The following CNTNAP5 variants were observed in gnomAD, a reference collection of about 807,000 sequenced individuals.
CNTNAP5 encodes contactin associated protein family member 5.
In CNTNAP5, 72 loss-of-function variants were observed where a neutral mutation model predicts 150.2. The observed-to-expected ratio is 0.48, with a 90% CI of 0.40 to 0.58. CNTNAP5 has a LOEUF of 0.58. Ranked by LOEUF, CNTNAP5 falls within the 20% of genes least tolerant of loss-of-function variation. The pLI, the probability that CNTNAP5 is intolerant of heterozygous loss-of-function variation, is 0.00. For synonymous variants in CNTNAP5, 672 were observed against 619.8 expected (o/e 1.08, Z -1.25); for missense variants, 1,636 against 1,626.2 (o/e 1.01, Z -0.10).
chr2:124,623,708 A>G (rs896208951), intron 12 of CNTNAP5, among the ~76,000 whole-genome samples: 6 of 152,198 alleles, frequency 3.9e-5, no homozygotes, highest in Admixed American at 2.0e-4. Context: ...TTGGAAACAC[A>G]TCCACTGTCT....
At chr2:124,263,854 G>T (rs555015568) in intron 3 of CNTNAP5, among the ~76,000 whole-genome samples, 61 of 152,260 alleles carry the variant, frequency 4.0e-4, no homozygotes, top group Middle Eastern at 3.4e-3. Flanking sequence ...TCCAGTTTCA[G>T]CCTTCTACAT....
rs1558966041 is a variant in CNTNAP5 at position 124,588,180 on chromosome 2, C to CTTTCTTTA, written c.1757-21614_1757-21613insATTTCTTT. 3.7e-4 allele frequency among the ~76,000 whole-genome samples: 40 copies of CTTTCTTTA among 107,352 alleles called. 2 individuals are homozygous for CTTTCTTTA. In the South Asian group the frequency reaches 4.4e-3, roughly 12 times the overall value. The allele number at this position is 107,352 out of a possible 152,430, so 70.4% of individuals were successfully genotyped here. A position where few individuals can be genotyped will look rare whatever the true frequency, so the allele number is the denominator to read the frequency against. ...CTTTTCCTTCCTTCCTTCCTTCCTT[C>CTTTCTTTA]TTTCTTTCTTTCTTTCTTTCTTTCT... On this transcript the variant is annotated intron_variant, in intron 11 of 23. Transcript: ENST00000682447.
chr2:124,658,236 G>T (rs1678500050), intron 13 of CNTNAP5, among the ~76,000 whole-genome samples: 1 of 152,182 alleles, frequency 6.6e-6, no homozygotes, highest in Non-Finnish European at 1.5e-5. Flanking sequence ...CAAGAGGCTA[G>T]GCTTGTGGGG....
intron 12 of CNTNAP5, among the ~76,000 whole-genome samples, chr2:124,643,653 A>C (rs1678141240): frequency 6.6e-6 from 1 of 152,192 alleles, no homozygotes; most frequent in Non-Finnish European, 1.5e-5. Flanking sequence ...TGTTGTAGAA[A>C]ACTTCTAATG....
At chr2:124,228,148 G>A (rs7583123) in intron 2 of CNTNAP5, among the ~76,000 whole-genome samples, 4 of 151,820 alleles carry the variant, frequency 2.6e-5, no homozygotes, top group African/African-American at 4.8e-5. Context: ...AGAAATTAAC[G>A]AACCACTGGT....
intron 22 of CNTNAP5, among the ~76,000 whole-genome samples, chr2:124,904,675 A>G (rs535544049): frequency 5.6e-4 from 86 of 152,264 alleles, no homozygotes; most frequent in African/African-American, 1.9e-3. Flanking sequence ...GAATATCCAC[A>G]TGCAAAAGAA....
intron 13 of CNTNAP5, among the ~76,000 whole-genome samples, chr2:124,732,896 G>A (rs1004532061): frequency 3.3e-5 from 5 of 152,006 alleles, no homozygotes; most frequent in Non-Finnish European, 4.4e-5. Flanking sequence ...TCACCATGAG[G>A]GATTTCCACT....
At chr2:124,664,515 G>A (rs13033694) in intron 13 of CNTNAP5, among the ~76,000 whole-genome samples, 46,610 of 151,790 alleles carry the variant, frequency 0.31, 7,846 homozygotes, top group Non-Finnish European at 0.38. Context: ...CCCAGCACCC[G>A]GAGTGATAGA....
chr2:124,639,841 G>A (rs577141198), intron 12 of CNTNAP5, among the ~76,000 whole-genome samples: 16 of 152,192 alleles, frequency 1.1e-4, no homozygotes, highest in Admixed American at 9.8e-4. Flanking sequence ...TTTCCATCAG[G>A]TGACTTAGAC....
At chr2:124,268,104 T>C (rs190844677) in intron 3 of CNTNAP5, among the ~76,000 whole-genome samples, 3 of 152,274 alleles carry the variant, frequency 2.0e-5, no homozygotes, top group Admixed American at 2.0e-4. Context: ...TTTCGACCAA[T>C]AGATACCGGC....
chr2:124,299,214 G>A (rs1688513117), intron 3 of CNTNAP5, among the ~76,000 whole-genome samples: 1 of 152,142 alleles, frequency 6.6e-6, no homozygotes, highest in South Asian at 2.1e-4. Context: ...GCATATTTTT[G>A]TGGCTCCCCC....
At chr2:124,489,489 C>T (rs1193368686) in intron 7 of CNTNAP5, among the ~76,000 whole-genome samples, 1 of 152,130 alleles carries the variant, frequency 6.6e-6, no homozygotes, top group East Asian at 1.9e-4. Flanking sequence ...TGTACTGTTT[C>T]CAAATACAGT....
At chr2:124,346,567 A>G (rs1381859406) in intron 3 of CNTNAP5, among the ~76,000 whole-genome samples, 2 of 152,172 alleles carry the variant, frequency 1.3e-5, no homozygotes, top group Non-Finnish European at 2.9e-5. Flanking sequence ...ATTGATTGCA[A>G]TTTAAAAAAT....
At chr2:124,766,290 A>T (rs116489254) in intron 16 of CNTNAP5, among the ~76,000 whole-genome samples, 1,763 of 151,992 alleles carry the variant, frequency 0.012, 34 homozygotes, top group African/African-American at 0.04. Flanking sequence ...CTGTAGTTTG[A>T]TTGAGGCAAT....
chr2:124,653,505 A>G (rs565495020), intron 13 of CNTNAP5, among the ~76,000 whole-genome samples: 5 of 152,144 alleles, frequency 3.3e-5, no homozygotes, highest in East Asian at 1.9e-4. Flanking sequence ...CCATAATGCT[A>G]TATACATTCA....
At chr2:124,443,814 G>GTGTA (rs1692735951) in intron 5 of CNTNAP5, among the ~76,000 whole-genome samples, 1 of 1,546 alleles carries the variant, frequency 6.5e-4, no homozygotes, top group African/African-American at 8.9e-4. Context: ...ATTCCTTGCC[G>GTGTA]TGTGTGTGTG....
chr2:124,569,754 C>T (rs1383770658), intron 11 of CNTNAP5, among the ~76,000 whole-genome samples: 1 of 152,200 alleles, frequency 6.6e-6, no homozygotes, highest in Non-Finnish European at 1.5e-5. Flanking sequence ...AGCTTTCTTC[C>T]TCTTCCAAGC....
At chr2:124,745,603 A>G (rs747784561) in intron 13 of CNTNAP5, among the ~76,000 whole-genome samples, 1 of 152,234 alleles carries the variant, frequency 6.6e-6, no homozygotes, top group Non-Finnish European at 1.5e-5. Flanking sequence ...AGTGATTTAC[A>G]GTTATTTGAA....
chr2:124,253,591 T>G (rs1186043844), intron 3 of CNTNAP5, among the ~76,000 whole-genome samples: 1 of 152,166 alleles, frequency 6.6e-6, no homozygotes, highest in African/African-American at 2.4e-5. Flanking sequence ...AATGGACATA[T>G]GAAGATTTGT....
Sources: allele counts gnomAD v4.1 joint callset (sites outside exome capture counted in the v4.1 genomes callset), GRCh38; gene constraint gnomAD v4.1.1; transcripts MANE v1.5; gene names NCBI Gene and HGNC (gene_info 2026-07-23, HGNC 2026-07-21).